Variants in CNDP1 observed in about 807,000 individuals in gnomAD.
CNDP1 encodes carnosine dipeptidase 1.
CNDP1 carries 44 observed loss-of-function variants against 58.1 expected under a neutral mutation model. The ratio of observed to expected loss-of-function variants is 0.76; its 90% confidence interval spans 0.60 to 0.97. The LOEUF is 0.97. CNDP1 is among the 50% of genes least tolerant of loss of function. The pLI is 0.00. For missense variants in CNDP1, 616 were observed against 655.1 expected, an observed-to-expected ratio of 0.94 and a Z score of 0.65; for synonymous variants, 254 against 252.6, an observed-to-expected ratio of 1.01 and a Z score of -0.05.
chr18:74,580,504 T>C (rs1379474732), intron 10 of CNDP1, among the ~76,000 whole-genome samples: 1 of 152,194 alleles, frequency 6.6e-6, no homozygotes, highest in Non-Finnish European at 1.5e-5. Flanking sequence ...CTTACAGACA[T>C]GAAGTATTTT....
At chr18:74,554,967 A>G (rs1457570264) in intron 1 of CNDP1, among the ~76,000 whole-genome samples, 2 of 151,968 alleles carry the variant, frequency 1.3e-5, no homozygotes, top group Non-Finnish European at 2.9e-5. Context: ...GGCCACACCC[A>G]TGATGAGCGT....
chr18:74,561,882 T>A, intron 4 of CNDP1, 165 bp from the exon 5 acceptor site: 1 of 582,950 alleles, frequency 1.7e-6, no homozygotes, highest in Non-Finnish European at 3.1e-6. Flanking sequence ...TACAGTCTTA[T>A]TTGTACATAA....
At chr18:74,537,163 C>T (rs1432131683) in intron 1 of CNDP1, among the ~76,000 whole-genome samples, 4 of 152,096 alleles carry the variant, frequency 2.6e-5, no homozygotes, top group Admixed American at 2.6e-4. Flanking sequence ...TCAATTTTTG[C>T]TTTTGTTGCA....
intron 9 of CNDP1, among the ~76,000 whole-genome samples, chr18:74,579,176 CCCTTCTCCCTTT>C (rs1186319550): frequency 2.3e-3 from 337 of 143,492 alleles, no homozygotes; most frequent in African/African-American, 3.0e-3. Context: ...TCTCCCTTCT[CCCTTCTCCCTTT>C]CCTTCCCTTC....
Position 74,580,325 on chromosome 18 carries a change from T to C in CNDP1, c.1309+54T>C, listed in dbSNP as rs577821179. 989 of 1,580,248 alleles carry C rather than the reference T, an allele frequency of 6.3e-4. 3 individuals carry two copies. The highest frequency in any genetic ancestry group is 7.2e-4 in the Non-Finnish European group (827 of 1,151,090). ...AATCTGCACTGGGACTCAGGGGTGGTACCCGTGGGACCGTGGGTAAAGCAG... is the reference window on the plus strand; with the variant it reads ...AATCTGCACTGGGACTCAGGGGTGGCACCCGTGGGACCGTGGGTAAAGCAG... On this transcript the variant is annotated intron_variant, in intron 10 of 11. Coordinates refer to ENST00000358821, the MANE Select transcript of CNDP1 (RefSeq NM_032649.6).
intron 10 of CNDP1, among the ~76,000 whole-genome samples, chr18:74,582,897 G>A (rs577168170): frequency 6.6e-6 from 1 of 152,320 alleles, no homozygotes; most frequent in African/African-American, 2.4e-5. Flanking sequence ...TCATATCAGG[G>A]AAAGCAGAGT....
intron 9 of CNDP1, 66 bp downstream of exon 9, chr18:74,578,393 G>A (rs969625774): frequency 1.2e-5 from 18 of 1,449,026 alleles, no homozygotes; most frequent in Admixed American, 1.0e-4. Context: ...CGCACATCAC[G>A]GCTTAGTGAG....
chr18:74,581,753 C>T (rs1252417240), intron 10 of CNDP1, among the ~76,000 whole-genome samples: 1 of 152,184 alleles, frequency 6.6e-6, no homozygotes, highest in African/African-American at 2.4e-5. Flanking sequence ...TTTTTGGCTT[C>T]TGCACCAGGA....
At chr18:74,554,431 G>A (rs1368399041) in intron 1 of CNDP1, among the ~76,000 whole-genome samples, 1 of 152,204 alleles carries the variant, frequency 6.6e-6, no homozygotes, top group Non-Finnish European at 1.5e-5. Context: ...GACATTTTCA[G>A]TAGGACCAGA....
chr18:74,547,904 T>C (rs1980803532), intron 1 of CNDP1, among the ~76,000 whole-genome samples: 1 of 152,154 alleles, frequency 6.6e-6, no homozygotes, highest in Non-Finnish European at 1.5e-5. Context: ...TTGTTCCAAA[T>C]CTAAAAATCT....
At chr18:74,573,514 T>G (rs1244614922) in intron 7 of CNDP1, among the ~76,000 whole-genome samples, 1 of 152,100 alleles carries the variant, frequency 6.6e-6, no homozygotes, top group Non-Finnish European at 1.5e-5. Context: ...TTTCCTGAAA[T>G]ATAGCTCTTG....
intron 3 of CNDP1, 63 bp from the exon 4 acceptor site, chr18:74,560,793 C>A: frequency 6.6e-7 from 1 of 1,507,416 alleles, no homozygotes; most frequent in Non-Finnish European, 9.2e-7. Flanking sequence ...AATGTCATGT[C>A]TTTGAATTTT....
At chr18:74,582,199 A>G (rs1981806374) in intron 10 of CNDP1, among the ~76,000 whole-genome samples, 1 of 152,238 alleles carries the variant, frequency 6.6e-6, no homozygotes, top group African/African-American at 2.4e-5. Context: ...GGAATGCATA[A>G]GACACCTTTC....
chr18:74,579,447 C>T (rs1209275535), intron 9 of CNDP1, among the ~76,000 whole-genome samples: 4 of 150,912 alleles, frequency 2.7e-5, no homozygotes, highest in Admixed American at 6.6e-5. Flanking sequence ...CATATAAACT[C>T]CATGAGGGCA....
chr18:74,580,150 T>C lies in CNDP1; in HGVS notation c.1188T>C (p.Asp396=), dbSNP rs762955583. 6.2e-6 allele frequency: 10 copies of C among 1,613,600 alleles called. No individual in the cohort carries two copies. In the African/African-American group the frequency reaches 1.2e-4, roughly 19 times the overall value. Residue 396 remains aspartate, a synonymous_variant, in exon 10 of 12, where the codon GAT becomes GAC. Coordinates refer to ENST00000358821, the MANE Select transcript of CNDP1 (RefSeq NM_032649.6). ...TTTAGGTGACACGACATCTTGAAGA[T>C]GTGTTCTCCAAAAGAAATAGTTCCA... ...VEKQVTRHLE[D]VFSKRNSSNK...
chr18:74,565,837 C>T (rs1258110424), intron 5 of CNDP1, among the ~76,000 whole-genome samples: 1 of 152,238 alleles, frequency 6.6e-6, no homozygotes, highest in Non-Finnish European at 1.5e-5. Context: ...CTAGGGAGTG[C>T]CCCACTAGGG....
chr18:74,573,863 G>A (rs990863520), intron 7 of CNDP1, among the ~76,000 whole-genome samples: 1 of 149,658 alleles, frequency 6.7e-6, no homozygotes, highest in African/African-American at 2.5e-5. Context: ...AGTCAAAAAC[G>A]TGGTTTGACT....
At chr18:74,557,674 G>A (rs759276302) in intron 2 of CNDP1, among the ~76,000 whole-genome samples, 1 of 152,014 alleles carries the variant, frequency 6.6e-6, no homozygotes, top group African/African-American at 2.4e-5. Context: ...TTCACCAGAC[G>A]GGGAGCTCCT....
intron 4 of CNDP1, 67 bp downstream of exon 4, chr18:74,561,085 G>C: frequency 6.4e-7 from 1 of 1,563,670 alleles, no homozygotes; most frequent in Non-Finnish European, 8.7e-7. Flanking sequence ...GTGAAGATGA[G>C]GCTCTGTCCC....
Sources: allele counts gnomAD v4.1 joint callset (sites outside exome capture counted in the v4.1 genomes callset), GRCh38; gene constraint gnomAD v4.1.1; transcripts MANE v1.5; gene names NCBI Gene and HGNC (gene_info 2026-07-23, HGNC 2026-07-21).